Variants in SQOR observed in about 807,000 individuals in gnomAD.
SQOR encodes sulfide:quinone oxidoreductase, mitochondrial.
Under a neutral mutation model 48.6 loss-of-function variants are expected in SQOR, and 39 were observed. The observed-to-expected ratio is 0.80, with a 90% confidence interval of 0.62 to 1.05. SQOR has a LOEUF of 1.05. SQOR is among the 50% of genes least tolerant of loss of function. The pLI, the probability that SQOR is intolerant of heterozygous loss-of-function variation, is 0.00. For synonymous variants in SQOR, 220 were observed against 206.2 expected, an observed-to-expected ratio of 1.07 and a Z score of -0.57; for missense variants, 561 against 559.9, an observed-to-expected ratio of 1.00 and a Z score of -0.02.
chr15:45,686,574 A>C (rs1452958246), intron 7 of SQOR, among the ~76,000 whole-genome samples: 1 of 152,246 alleles, frequency 6.6e-6, no homozygotes, highest in Non-Finnish European at 1.5e-5. Context: ...GGGGCAATGC[A>C]GTCCACTGCC....
At chr15:45,632,415 T>G (rs1206196925), upstream of SQOR, among the ~76,000 whole-genome samples, 1 of 151,106 alleles carries the variant, frequency 6.6e-6, no homozygotes, top group East Asian at 1.9e-4. Context: ...AGAGACGGGG[T>G]TTCATCATGC....
At chr15:45,649,546 G>A (rs754693936) in intron 1 of SQOR, among the ~76,000 whole-genome samples, 1 of 151,932 alleles carries the variant, frequency 6.6e-6, no homozygotes, top group Non-Finnish European at 1.5e-5. Context: ...TGCAATCTTG[G>A]CTCACTGCAA....
chr15:45,640,318 A>G (rs1895082944), intron 1 of SQOR, among the ~76,000 whole-genome samples: 1 of 152,088 alleles, frequency 6.6e-6, no homozygotes, highest in Admixed American at 6.5e-5. Flanking sequence ...GGGACCTTTG[A>G]TGCCACCCAA....
At chr15:45,666,106 A>G (rs985880102) in intron 3 of SQOR, among the ~76,000 whole-genome samples, 7 of 151,872 alleles carry the variant, frequency 4.6e-5, no homozygotes, top group African/African-American at 7.3e-5. Flanking sequence ...CTGGCCTCCT[A>G]TTTCCTCAAA....
chr15:45,677,116 T>C (rs1007947279), intron 6 of SQOR, among the ~76,000 whole-genome samples: 2 of 152,166 alleles, frequency 1.3e-5, no homozygotes, highest in African/African-American at 4.8e-5. Flanking sequence ...AAATTGTATG[T>C]AGCTTTTACC....
chr15:45,634,257 G>A (rs1894956028), upstream of SQOR, among the ~76,000 whole-genome samples: 1 of 113,622 alleles, frequency 8.8e-6, no homozygotes, highest in Non-Finnish European at 1.8e-5. Context: ...AAGTGTAAAA[G>A]AAACTCAAAC....
chr15:45,651,601 A>G (rs1352110420), intron 1 of SQOR, among the ~76,000 whole-genome samples: 1 of 152,036 alleles, frequency 6.6e-6, no homozygotes, highest in Non-Finnish European at 1.5e-5. Flanking sequence ...CTGGGACTAC[A>G]GGCATGTGCC....
chr15:45,682,374 T>C, intron 6 of SQOR, 104 bp from the exon 7 acceptor site: 2 of 1,213,984 alleles, frequency 1.6e-6, no homozygotes, highest in South Asian at 1.4e-5. Flanking sequence ...TAATGCTCCA[T>C]GCAGCCATAG....
At chr15:45,634,225 T>TATA (rs1566912034), upstream of SQOR, among the ~76,000 whole-genome samples, 1 of 125,880 alleles carries the variant, frequency 7.9e-6, no homozygotes, top group Non-Finnish European at 1.7e-5. Flanking sequence ...TATATATATA[T>TATA]TCAAAATTCA....
intron 1 of SQOR, among the ~76,000 whole-genome samples, chr15:45,651,448 C>T (rs1291426338): frequency 1.3e-5 from 2 of 152,208 alleles, no homozygotes; most frequent in Non-Finnish European, 2.9e-5. Context: ...CATAGAGGGG[C>T]CCCCACAGCG....
Position 45,691,130 on chromosome 15 carries a change from A to G in SQOR, c.*100A>G, listed in dbSNP as rs1236670319. ...CGAAGGACTTGGAACCTATCCTTGT[A>G]AAGAGTTCCTTGATGGGTAATGGTG... On this transcript the variant is annotated 3_prime_UTR_variant, in exon 10 of 10. Transcript: ENST00000260324. 1.9e-6 allele frequency: 2 copies of G among 1,062,944 alleles called. No homozygotes were observed. The highest frequency in any genetic ancestry group is 2.9e-6 in the Non-Finnish European group (2 of 678,454). 65.8% of individuals were successfully genotyped at this position (1,062,944 alleles called of 1,614,324 possible).
chr15:45,651,001 A>G (rs895038360), intron 1 of SQOR, among the ~76,000 whole-genome samples: 2 of 151,868 alleles, frequency 1.3e-5, no homozygotes, highest in Non-Finnish European at 2.9e-5. Flanking sequence ...CGGGTCCCGC[A>G]CCGCGCACCT....
chr15:45,664,917 C>T (rs573813898), intron 3 of SQOR, among the ~76,000 whole-genome samples: 63 of 152,142 alleles, frequency 4.1e-4, no homozygotes, highest in African/African-American at 1.5e-3. Context: ...TCCGGGAGAC[C>T]AGACTGAATT....
intron 4 of SQOR, among the ~76,000 whole-genome samples, chr15:45,673,056 A>G (rs2140955757): frequency 6.6e-6 from 1 of 152,306 alleles, no homozygotes; most frequent in Admixed American, 6.5e-5. Context: ...TTGGAGACCT[A>G]CTGGCTTAGA....
chr15:45,643,470 C>T (rs975842132), intron 1 of SQOR, among the ~76,000 whole-genome samples: 1 of 152,216 alleles, frequency 6.6e-6, no homozygotes, highest in Non-Finnish European at 1.5e-5. Flanking sequence ...GTTGGGATTA[C>T]AGGCGTGAGC....
At chr15:45,663,816 G>A (rs1352649460) in intron 3 of SQOR, among the ~76,000 whole-genome samples, 1 of 152,084 alleles carries the variant, frequency 6.6e-6, no homozygotes, top group Non-Finnish European at 1.5e-5. Context: ...CTGCTGTATA[G>A]CATTTATGAT....
chr15:45,648,935 G>A (rs1458692252), intron 1 of SQOR, among the ~76,000 whole-genome samples: 1 of 152,248 alleles, frequency 6.6e-6, no homozygotes, highest in African/African-American at 2.4e-5. Context: ...CTAGGCTTGA[G>A]AGGAAACAAT....
chr15:45,641,148 T>C (rs1201067585), intron 1 of SQOR, among the ~76,000 whole-genome samples: 2 of 152,252 alleles, frequency 1.3e-5, no homozygotes, highest in African/African-American at 4.8e-5. Flanking sequence ...ATTTTCCTTA[T>C]GTAAATATAA....
chr15:45,668,090 G>A (rs931267576), intron 3 of SQOR, among the ~76,000 whole-genome samples: 13 of 151,334 alleles, frequency 8.6e-5, no homozygotes, highest in Admixed American at 3.9e-4. Context: ...GACTACAGGC[G>A]CCCGCCACCA....
Sources: allele counts gnomAD v4.1 joint callset (sites outside exome capture counted in the v4.1 genomes callset), GRCh38; gene constraint gnomAD v4.1.1; transcripts MANE v1.5; gene names NCBI Gene and HGNC (gene_info 2026-07-23, HGNC 2026-07-21).